Variants in PPP1R9A observed in about 807,000 individuals in gnomAD.
The protein encoded by PPP1R9A is neurabin-1.
PPP1R9A carries 59 observed loss-of-function variants against 141.9 expected under a neutral mutation model. The ratio of observed to expected loss-of-function variants is 0.42; its 90% CI spans 0.34 to 0.52. The LOEUF (loss-of-function observed/expected upper bound fraction) is 0.52. Among genes scored for constraint, PPP1R9A ranks in the 20% least tolerant of loss-of-function variants. The pLI is 0.10. For synonymous variants in PPP1R9A, 500 were observed against 569.7 expected (o/e 0.88, Z 1.74); for missense variants, 1,444 against 1,611.9 (o/e 0.90, Z 1.78).
intron 2 of PPP1R9A, among the ~76,000 whole-genome samples, chr7:95,074,918 TTTTTG>T (rs1176889710): frequency 1.3e-5 from 2 of 152,206 alleles, no homozygotes; most frequent in African/African-American, 4.8e-5. Flanking sequence ...TGAATGCTAA[TTTTTG>T]TTTTAAGATA....
At chr7:95,013,237 G>A (rs1362267430) in intron 2 of PPP1R9A, among the ~76,000 whole-genome samples, 2 of 152,026 alleles carry the variant, frequency 1.3e-5, no homozygotes, top group African/African-American at 4.8e-5. Context: ...TACCGATGGG[G>A]CAGTCTCATT....
intron 5 of PPP1R9A, among the ~76,000 whole-genome samples, chr7:95,192,785 C>G (rs1043961273): frequency 9.2e-5 from 14 of 151,932 alleles, no homozygotes; most frequent in African/African-American, 3.4e-4. Context: ...CATAGCATAC[C>G]CATACTCTGA....
chr7:95,284,174 G>A lies in PPP1R9A; in HGVS notation c.3453G>A (p.Gln1151=). Residue 1151 remains glutamine (Q), a synonymous_variant, in exon 17 of 20, where the codon CAG becomes CAA. Coordinates refer to ENST00000433360, the MANE Select transcript of PPP1R9A (RefSeq NM_001166160.2). Reference sequence around the variant, plus strand: ...TGCCTGCGCCTACAAGTTCCCTTCAGCCTTCTCCTGAGACTCTAATTTCAG... The same window carrying A: ...TGCCTGCGCCTACAAGTTCCCTTCAACCTTCTCCTGAGACTCTAATTTCAG... ...RNLPAPTSSL[Q]PSPETLISDK... The A allele has an allele frequency of 6.3e-7, 1 of 1,586,586 alleles. No individual in the cohort carries two copies. Among genetic ancestry groups the A allele is most frequent in the Middle Eastern group, 1.7e-4 (1 of 6,044 alleles).
In PPP1R9A at chr7:95,051,164, C is replaced by CT. The variant is rs200689867; in HGVS notation, c.1396-60086dup. On this transcript the variant is annotated intron_variant, in intron 2 of 19. Transcript: ENST00000433360. ...AAGGGTTATGGTCTGTGTCTTGGTT[C>CT]TTTTTTTTTATTGATTCTTTTTTTT... is the stretch of plus-strand genomic sequence containing the variant. Among the ~76,000 whole-genome samples, 619 of 149,306 alleles carry CT rather than the reference C, an allele frequency of 4.1e-3. 4 individuals carry two copies. Among genetic ancestry groups the CT allele is most frequent in the East Asian group, 0.031 (157 of 5,080 alleles).
intron 2 of PPP1R9A, among the ~76,000 whole-genome samples, chr7:95,093,804 T>C (rs1053147757): frequency 1.3e-5 from 2 of 152,230 alleles, no homozygotes; most frequent in African/African-American, 4.8e-5. Flanking sequence ...TGCATAAGAC[T>C]TCTTTGTTTT....
intron 2 of PPP1R9A, among the ~76,000 whole-genome samples, chr7:95,065,993 A>G (rs1812884738): frequency 6.6e-6 from 1 of 152,178 alleles, no homozygotes. Context: ...ACTCCAATCA[A>G]CTTTATAGAA....
At chr7:94,931,875 A>C (rs184938813) in intron 2 of PPP1R9A, among the ~76,000 whole-genome samples, 20 of 152,176 alleles carry the variant, frequency 1.3e-4, no homozygotes, top group African/African-American at 4.8e-4. Context: ...ACCGTGCCCG[A>C]CTGACTGTGG....
chr7:95,150,181 G>A (rs150399013), intron 4 of PPP1R9A, among the ~76,000 whole-genome samples: 7 of 150,706 alleles, frequency 4.6e-5, no homozygotes, highest in Non-Finnish European at 1.0e-4. Context: ...ATCTGAAGAA[G>A]TACCTTACAC....
chr7:94,944,845 T>G (rs970239996), intron 2 of PPP1R9A, among the ~76,000 whole-genome samples: 4 of 152,014 alleles, frequency 2.6e-5, no homozygotes, highest in African/African-American at 9.7e-5. Flanking sequence ...GAAAGTTAGA[T>G]TCCAAGGATT....
At chr7:95,086,541 A>C (rs1816653534) in intron 2 of PPP1R9A, among the ~76,000 whole-genome samples, 1 of 152,034 alleles carries the variant, frequency 6.6e-6, no homozygotes, top group South Asian at 2.1e-4. Context: ...CAACATTTAC[A>C]GCTATAGAGT....
chr7:94,952,994 G>T (rs1349816805), intron 2 of PPP1R9A, among the ~76,000 whole-genome samples: 1 of 152,118 alleles, frequency 6.6e-6, no homozygotes, highest in East Asian at 1.9e-4. Flanking sequence ...GGCTTTTGTT[G>T]CCATTGCTTT....
intron 12 of PPP1R9A, among the ~76,000 whole-genome samples, chr7:95,257,864 G>A (rs1799830900): frequency 6.6e-6 from 1 of 152,146 alleles, no homozygotes; most frequent in Admixed American, 6.5e-5. Context: ...TTTTATGGCT[G>A]CATAGTATTC....
intron 2 of PPP1R9A, among the ~76,000 whole-genome samples, chr7:95,099,767 C>A (rs1387188130): frequency 2.6e-5 from 4 of 151,790 alleles, no homozygotes; most frequent in African/African-American, 7.3e-5. Flanking sequence ...AAAAGACCAA[C>A]CATTGCTTGA....
At chr7:95,003,058 T>C (rs1317999045) in intron 2 of PPP1R9A, among the ~76,000 whole-genome samples, 1 of 152,168 alleles carries the variant, frequency 6.6e-6, no homozygotes, top group Non-Finnish European at 1.5e-5. Context: ...AGTCTTAAAG[T>C]ATGTAAGAAT....
rs1252994421 is a variant in PPP1R9A, at chr7:95,134,422, CATG to C, written c.1649+13591_1649+13593del. On this transcript the variant is annotated intron_variant, in intron 4 of 19. Coordinates refer to ENST00000433360, the MANE Select transcript of PPP1R9A (RefSeq NM_001166160.2). ...ATGGGTGCAGCAAACCACCATGACA[CATG>C]TATACCTGTATAACAAACCTGCACA... is the stretch of plus-strand genomic sequence containing the variant. Among the ~76,000 whole-genome samples, 6 of 152,226 alleles carry C rather than the reference CATG, an allele frequency of 3.9e-5. No individual in the cohort carries two copies. In the East Asian group the frequency reaches 1.2e-3, roughly 29 times the overall value.
At chr7:95,201,199 A>G (rs1483951326) in intron 6 of PPP1R9A, among the ~76,000 whole-genome samples, 1 of 151,650 alleles carries the variant, frequency 6.6e-6, no homozygotes, top group African/African-American at 2.4e-5. Flanking sequence ...TTGAGTACTC[A>G]AATTTTTTTT....
chr7:94,938,986 A>T lies in PPP1R9A; in HGVS notation c.1395+27478A>T, dbSNP rs566738524. 2.0e-5 allele frequency among the ~76,000 whole-genome samples: 3 copies of T among 152,122 alleles called. No individual in the cohort carries two copies. In the South Asian group the frequency reaches 6.2e-4, roughly 32 times the overall value. ...TTTTTCCCTCAAATTGTGGAAGAGG[A>T]TGAATTTTTATAAGCAAATATATTA... On this transcript the variant is annotated intron_variant, in intron 2 of 19. Coordinates refer to ENST00000433360, the MANE Select transcript of PPP1R9A (RefSeq NM_001166160.2).
intron 2 of PPP1R9A, among the ~76,000 whole-genome samples, chr7:94,920,309 C>A (rs1584214351): frequency 2.0e-5 from 3 of 151,910 alleles, no homozygotes; most frequent in African/African-American, 7.2e-5. Flanking sequence ...TTGCTTCACT[C>A]ACTTTTGCTC....
chr7:95,022,648 G>A (rs1239041254), intron 2 of PPP1R9A, among the ~76,000 whole-genome samples: 1 of 152,142 alleles, frequency 6.6e-6, no homozygotes. Context: ...TTTGAGATAT[G>A]TGCCATCAAT....
Sources: gnomAD v4.1 joint callset for allele counts (sites outside exome capture counted in the v4.1 genomes callset) on GRCh38, gnomAD v4.1.1 for gene constraint, MANE v1.5 for transcripts, NCBI Gene and HGNC (gene_info 2026-07-23, HGNC 2026-07-21) for gene names.